Variants in TMIE observed in about 807,000 individuals in gnomAD.
TMIE encodes transmembrane inner ear expressed protein.
Under a neutral mutation model 16.8 loss-of-function variants are expected in TMIE, and 14 were observed. That is an observed-to-expected ratio of 0.83 (90% CI 0.55 to 1.30). The LOEUF is 1.30. TMIE is among the 50% of genes most tolerant of loss of function. The probability of loss-of-function intolerance (pLI) is 0.00; values close to 1 mark genes in which losing one functional copy is unlikely to be tolerated. For synonymous variants in TMIE, 75 were observed against 87.2 expected, an observed-to-expected ratio of 0.86 and a Z score of 0.78; for missense variants, 204 against 205.9, an observed-to-expected ratio of 0.99 and a Z score of 0.06.
intron 3 of TMIE, 50 bp downstream of exon 3, chr3:46,709,325 C>T (rs200274233): frequency 3.2e-5 from 52 of 1,613,034 alleles, no homozygotes; most frequent in Non-Finnish European, 4.3e-5. Context: ...TTCCTCAGTC[C>T]TGCTGCCTGG....
Position 46,701,606 on chromosome 3 carries a change from G to T in TMIE, c.93+26G>T. On this transcript the variant is annotated intron_variant, in intron 1 of 3. Coordinates refer to ENST00000643606, the MANE Select transcript of TMIE (RefSeq NM_147196.3). This position sits in a 1 kb window ranked among gnomAD's most constrained non-coding sequence, Gnocchi z 4.3. ...GTGAGGCCGCGGCACGGAGGGACTG[G>T]GGAGGCTGTCACCCTCCAGGCAGGG... 7.8e-7 allele frequency: 1 copy of T among 1,276,424 alleles called. No individual in the cohort carries two copies. The highest frequency in any genetic ancestry group is 2.8e-5 in the South Asian group (1 of 35,328). The allele number at this position is 1,276,424 out of a possible 1,614,324, so 79.1% of individuals were successfully genotyped here.
At chr3:46,706,123 G>A (rs1209234349) in intron 2 of TMIE, among the ~76,000 whole-genome samples, 1 of 152,238 alleles carries the variant, frequency 6.6e-6, no homozygotes, top group East Asian at 1.9e-4. Flanking sequence ...AGGACCCAGG[G>A]AGGTAGCCAC....
At chr3:46,706,060 C>T (rs1242618912) in intron 2 of TMIE, among the ~76,000 whole-genome samples, 153 bp downstream of exon 2, 1 of 152,206 alleles carries the variant, frequency 6.6e-6, no homozygotes, top group East Asian at 1.9e-4. Context: ...TCCTGATCCA[C>T]ACAAACTCCC....
At chr3:46,702,048 C>T (rs1201108569) in intron 1 of TMIE, among the ~76,000 whole-genome samples, 1 of 152,246 alleles carries the variant, frequency 6.6e-6, no homozygotes, top group African/African-American at 2.4e-5. Context: ...GTTCCAGGGA[C>T]CCCTGTCTAA....
At chr3:46,695,606 T>G (rs1700401098) in intron 1 of TMIE, among the ~76,000 whole-genome samples, 1 of 152,156 alleles carries the variant, frequency 6.6e-6, no homozygotes, top group South Asian at 2.1e-4. Context: ...GCATATGGCC[T>G]CACCACTTGT....
chr3:46,707,708 G>A (rs1575470023), intron 2 of TMIE, among the ~76,000 whole-genome samples: 2 of 152,238 alleles, frequency 1.3e-5, no homozygotes, highest in African/African-American at 4.8e-5. Context: ...GTGCGGGGCA[G>A]GCCTGAAGTG....
intron 1 of TMIE, among the ~76,000 whole-genome samples, chr3:46,695,250 C>CCCTGTGGGGATCCTTTGTG: frequency 6.6e-6 from 1 of 152,204 alleles, no homozygotes; most frequent in Non-Finnish European, 1.5e-5. Flanking sequence ...CCAAGGTCTT[C>CCCTGTGGGGATCCTTTGTG]CCTGTGGGGA....
In TMIE at chr3:46,701,442, C is replaced by T. The variant is rs1018801679; in HGVS notation, c.-46C>T. 43 of 1,405,658 alleles carry T rather than the reference C, an allele frequency of 3.1e-5. No individual in the cohort carries two copies. Among genetic ancestry groups the T allele is most frequent in the Admixed American group, 5.7e-5 (2 of 34,894 alleles). The allele number at this position is 1,405,658 out of a possible 1,614,324, so 87.1% of individuals were successfully genotyped here. A position where few individuals can be genotyped will look rare whatever the true frequency, so the allele number is the denominator to read the frequency against. On this transcript the variant is annotated 5_prime_UTR_variant, in exon 1 of 4. Coordinates refer to ENST00000643606, the MANE Select transcript of TMIE (RefSeq NM_147196.3). The surrounding 1 kb of genome is among the most constrained non-coding windows in gnomAD (Gnocchi z 4.3). ...GCTGGCAGGGGCAGTGACCGGCGGC[C>T]GGCCCGTTCGTCCCTGGGCTCCGCA...
chr3:46,701,308 C>T (rs1299235228), upstream of TMIE: 3 of 481,384 alleles, frequency 6.2e-6, no homozygotes, highest in East Asian at 3.7e-5. The surrounding 1 kb of genome is among the most constrained non-coding windows in gnomAD (Gnocchi z 4.3). Flanking sequence ...GGGGCGGGCC[C>T]TCCACCGCAG....
chr3:46,701,628 A>AG lies in TMIE; in HGVS notation c.93+53dup. 8.0e-7 allele frequency: 1 copy of AG among 1,249,672 alleles called. No homozygotes were observed. The highest frequency in any genetic ancestry group is 1.0e-6 in the Non-Finnish European group (1 of 992,090). The allele number at this position is 1,249,672 out of a possible 1,614,324, so 77.4% of individuals were successfully genotyped here. Reference sequence around the variant, plus strand: ...CTGGGGAGGCTGTCACCCTCCAGGCAGGGGGCTGGGGGAGAGGGGACGCCT... The same window carrying AG: ...CTGGGGAGGCTGTCACCCTCCAGGCAGGGGGGCTGGGGGAGAGGGGACGCCT... On this transcript the variant is annotated intron_variant, in intron 1 of 3. Coordinates refer to ENST00000643606, the MANE Select transcript of TMIE (RefSeq NM_147196.3). This position sits in a 1 kb window ranked among gnomAD's most constrained non-coding sequence, Gnocchi z 4.3.
rs1700526155 is a variant in TMIE, at chr3:46,704,665, G to A, written c.94-1125G>A. Among the ~76,000 whole-genome samples the A allele has an allele frequency of 2.7e-5, 4 of 146,474 alleles. No individual in the cohort carries two copies. In the South Asian group the frequency reaches 6.6e-4, roughly 24 times the overall value. ...CATGTCCCCTAGACACCCAGGGCCA[G>A]GGTCATGTCCCTAGACACCCAGGGT... On this transcript the variant is annotated intron_variant, in intron 1 of 3. Coordinates refer to ENST00000643606, the MANE Select transcript of TMIE (RefSeq NM_147196.3).
Position 46,709,107 on chromosome 3 carries a change from T to C in TMIE, c.212-19T>C, listed in dbSNP as rs769267778. On this transcript the variant is annotated intron_variant, in intron 2 of 3. Coordinates refer to ENST00000643606, the MANE Select transcript of TMIE (RefSeq NM_147196.3). ...TCTGAACCCCAGCCCCAGCCAAGCC[T>C]GCTCTGTCCTCCCTACAGTCATCAC... 10 of 1,613,936 alleles carry C rather than the reference T, an allele frequency of 6.2e-6. No individual in the cohort carries two copies. Among genetic ancestry groups the C allele is most frequent in the Non-Finnish European group, 6.8e-6 (8 of 1,180,018 alleles).
At chr3:46,705,731 C>T in intron 1 of TMIE, 59 bp from the exon 2 acceptor site, 1 of 1,494,274 alleles carries the variant, frequency 6.7e-7, no homozygotes, top group East Asian at 2.3e-5. Context: ...GGGCCCTTCT[C>T]AGCTGGTTCC....
intron 1 of TMIE, among the ~76,000 whole-genome samples, chr3:46,702,604 G>A (rs1700490690): frequency 6.6e-6 from 1 of 152,144 alleles, no homozygotes; most frequent in African/African-American, 2.4e-5. Context: ...AAACAGAAAT[G>A]CAAGAGGCAG....
chr3:46,694,037 C>T (rs964261005), upstream of TMIE, among the ~76,000 whole-genome samples: 4 of 152,310 alleles, frequency 2.6e-5, no homozygotes, highest in Admixed American at 2.6e-4. Flanking sequence ...CACCACCTCG[C>T]CCCGCCAGTC....
Position 46,709,836 on chromosome 3 carries a change from A to C in TMIE, c.*148A>C. The stretch of plus-strand genomic sequence containing the variant: ...GCCCATGGCCACATCCTCATGGCCC[A>C]TCAGGGGCAGGAACCAGACAATCTC... On this transcript the variant is annotated 3_prime_UTR_variant, in exon 4 of 4. Transcript: ENST00000643606. The C allele has an allele frequency of 6.7e-7, 1 of 1,495,464 alleles. No individual in the cohort carries two copies. Among genetic ancestry groups the C allele is most frequent in the Non-Finnish European group, 9.1e-7 (1 of 1,102,358 alleles). The allele number at this position is 1,495,464 out of a possible 1,614,324, so 92.6% of individuals were successfully genotyped here.
chr3:46,703,525 A>G, intron 1 of TMIE, among the ~76,000 whole-genome samples: 1 of 152,180 alleles, frequency 6.6e-6, no homozygotes, highest in Non-Finnish European at 1.5e-5. Context: ...ACCCACATGC[A>G]TGCCAACCAC....
chr3:46,709,122 A>G lies in TMIE; in HGVS notation c.212-4A>G, dbSNP rs1700588854. 6.2e-7 allele frequency: 1 copy of G among 1,614,028 alleles called. No homozygotes were observed. The highest frequency in any genetic ancestry group is 8.5e-7 in the Non-Finnish European group (1 of 1,180,030). On this transcript the variant is annotated splice_polypyrimidine_tract_variant and splice_region_variant and intron_variant, in intron 2 of 3. Transcript: ENST00000643606. ...CAGCCAAGCCTGCTCTGTCCTCCCT[A>G]CAGTCATCACGCTGTGCTGTGTCTT...
chr3:46,694,910 C>G (rs1026202520), intron 1 of TMIE, among the ~76,000 whole-genome samples: 4 of 152,180 alleles, frequency 2.6e-5, no homozygotes, highest in Non-Finnish European at 5.9e-5. Flanking sequence ...TTCTTGCCCC[C>G]TTCTGCACCC....
Sources: gnomAD v4.1 joint callset for allele counts (sites outside exome capture counted in the v4.1 genomes callset) on GRCh38, gnomAD v4.1.1 for gene constraint, Gnocchi (gnomAD v3.1) non-coding constraint, MANE v1.5 for transcripts, NCBI Gene and HGNC (gene_info 2026-07-23, HGNC 2026-07-21) for gene names.